GASK1A: variants seen among roughly 807,000 people sequenced by gnomAD.
GASK1A encodes the protein golgi associated kinase 1A.
In GASK1A, 40 loss-of-function variants were observed where a neutral mutation model predicts 41.2. The ratio of observed to expected loss-of-function variants is 0.97; its 90% CI spans 0.75 to 1.27. GASK1A has a LOEUF of 1.27. Among genes scored for constraint, GASK1A ranks in the 50% most tolerant of loss-of-function variants. The probability of loss-of-function intolerance (pLI) is 0.00; values close to 1 mark genes in which losing one functional copy is unlikely to be tolerated. For synonymous variants in GASK1A, 316 were observed against 307.1 expected (o/e 1.03, Z -0.30); for missense variants, 678 against 745.1 (o/e 0.91, Z 1.05).
At chr3:43,012,037 T>A (rs1262284289) in intron 1 of GASK1A, among the ~76,000 whole-genome samples, 1 of 147,920 alleles carries the variant, frequency 6.8e-6, no homozygotes, top group East Asian at 2.1e-4. Context: ...GAAGGGGCAA[T>A]GTGAGGCCAA....
intron 2 of GASK1A, among the ~76,000 whole-genome samples, chr3:43,038,956 G>T (rs1196454031): frequency 6.6e-6 from 1 of 151,706 alleles, no homozygotes; most frequent in African/African-American, 2.4e-5. Flanking sequence ...TGGTGTATCT[G>T]AAGGCTATTG....
At chr3:42,999,213 T>G (rs552247863) in intron 1 of GASK1A, among the ~76,000 whole-genome samples, 1 of 152,286 alleles carries the variant, frequency 6.6e-6, no homozygotes, top group Non-Finnish European at 1.5e-5. Context: ...TTGGTTGAGG[T>G]TGGTGGGAAT....
intron 2 of GASK1A, among the ~76,000 whole-genome samples, chr3:43,036,231 T>C (rs73076383): frequency 6.6e-6 from 1 of 152,322 alleles, no homozygotes; most frequent in Non-Finnish European, 1.5e-5. Flanking sequence ...TCATGCCACC[T>C]CTTCCCTGGT....
At position 43,010,282 on chromosome 3, in the gene GASK1A, C is replaced by T. The variant is rs145660230; in HGVS notation, c.4-21985C>T. ...GGGAGTCTGAAAAGGTGAACTCGTA[C>T]TCAGATATTACCCAGCCAGAGCCTT... is the stretch of plus-strand genomic sequence containing the variant. On this transcript the variant is annotated intron_variant, in intron 1 of 4. Coordinates refer to ENST00000430121, the MANE Select transcript of GASK1A (RefSeq NM_001129908.3). 4.4e-3 allele frequency among the ~76,000 whole-genome samples: 676 copies of T among 152,276 alleles called. 3 individuals carry two copies. The highest frequency in any genetic ancestry group is 6.7e-3 in the Non-Finnish European group (457 of 68,026).
At chr3:43,056,133 T>G in intron 4 of GASK1A, 43 bp from the exon 5 acceptor site, 1 of 1,443,492 alleles carries the variant, frequency 6.9e-7, no homozygotes, top group Non-Finnish European at 9.4e-7. Flanking sequence ...AGATTACTGT[T>G]GCTTTTTCTT....
chr3:42,986,205 T>C (rs2089308633), intron 1 of GASK1A, among the ~76,000 whole-genome samples: 1 of 152,198 alleles, frequency 6.6e-6, no homozygotes, highest in Non-Finnish European at 1.5e-5. Flanking sequence ...TTATGCTGAC[T>C]GGGAGAAACC....
intron 2 of GASK1A, among the ~76,000 whole-genome samples, chr3:43,040,920 T>C (rs949420566): frequency 2.7e-5 from 4 of 147,520 alleles, no homozygotes; most frequent in Non-Finnish European, 6.0e-5. Flanking sequence ...TTCCCCTTCC[T>C]GTGTCCTTGT....
intron 1 of GASK1A, among the ~76,000 whole-genome samples, chr3:43,010,331 A>C (rs1055069910): frequency 6.6e-6 from 1 of 152,214 alleles, no homozygotes; most frequent in Admixed American, 6.5e-5. Context: ...CATACTCTTC[A>C]GTAGAACCCT....
chr3:43,055,873 C>T, intron 4 of GASK1A: 1 of 471,888 alleles, frequency 2.1e-6, no homozygotes, highest in South Asian at 2.5e-5. Context: ...CTCTGCCTTC[C>T]CAGGATTCTT....
chr3:43,050,439 G>C (rs1236442829), intron 2 of GASK1A, among the ~76,000 whole-genome samples: 2 of 152,036 alleles, frequency 1.3e-5, no homozygotes, highest in Non-Finnish European at 2.9e-5. Context: ...AGTGACTTCT[G>C]TCTTGCTGCT....
intron 1 of GASK1A, among the ~76,000 whole-genome samples, chr3:43,003,153 C>T (rs2089418594): frequency 6.6e-6 from 1 of 152,112 alleles, no homozygotes; most frequent in Admixed American, 6.5e-5. Context: ...ATGTCTAGTA[C>T]ATTGTGAATA....
intron 2 of GASK1A, among the ~76,000 whole-genome samples, chr3:43,034,960 C>G (rs556116502): frequency 1.3e-5 from 2 of 152,294 alleles, no homozygotes; most frequent in African/African-American, 2.4e-5. Context: ...AAGTCTGTTT[C>G]CAGTCACGGG....
Position 42,986,050 on chromosome 3 carries a change from C to A in GASK1A, c.3+6405C>A, listed in dbSNP as rs55788355. 9.4e-3 allele frequency among the ~76,000 whole-genome samples: 1,427 copies of A among 152,284 alleles called. 21 individuals carry two copies. The highest frequency in any genetic ancestry group is 0.031 in the African/African-American group (1,304 of 41,542). On this transcript the variant is annotated intron_variant, in intron 1 of 4. Coordinates refer to ENST00000430121, the MANE Select transcript of GASK1A (RefSeq NM_001129908.3). ...GATGCAAATGTTTATAACAGCTTTA[C>A]GTATAATTGCCCCAAACTGGAAACA... is the stretch of plus-strand genomic sequence containing the variant.
rs2089715881 is a variant in GASK1A, at chr3:43,056,300, C to T, written c.1642C>T (p.Leu548Phe). ...QGGAQGLKQV[L>F]QTLEQRGQVL... Reference sequence around the variant, plus strand: ...CGGAGCCCAGGGGCTGAAGCAGGTCCTCCAGACCCTGGAGCAGCGAGGACA... The same window carrying T: ...CGGAGCCCAGGGGCTGAAGCAGGTCTTCCAGACCCTGGAGCAGCGAGGACA... The change falls in exon 5 of 5, where the codon CTC (leucine) becomes TTC (phenylalanine). Residue 548 changes from leucine to phenylalanine, a missense_variant. By Grantham distance (22) the Leu-to-Phe change is conservative. Transcript: ENST00000430121. The T allele has an allele frequency of 5.8e-6, 9 of 1,551,592 alleles. No homozygotes were observed. The highest frequency in any genetic ancestry group is 1.4e-5 in the African/African-American group (1 of 73,064).
In GASK1A at chr3:42,979,463, A is replaced by G; in HGVS notation, c.-180A>G. 1.9e-6 allele frequency: 1 copy of G among 534,874 alleles called. No homozygotes were observed. Among genetic ancestry groups the G allele is most frequent in the East Asian group, 3.5e-5 (1 of 28,606 alleles). 33.1% of individuals were successfully genotyped at this position (534,874 alleles called of 1,614,324 possible). A position where few individuals can be genotyped will look rare whatever the true frequency, so the allele number is the denominator to read the frequency against. The stretch of plus-strand genomic sequence containing the variant: ...GCAGCGATCTCCCGAGAGTTGGCGC[A>G]GGGCCACTTGGCTGCAGAGAACGTG... On this transcript the variant is annotated 5_prime_UTR_variant, in exon 1 of 5. Transcript: ENST00000430121.
chr3:43,056,374 C>T lies in GASK1A; in HGVS notation c.1716C>T (p.Asp572=), dbSNP rs376853680. ...IQKHNLTLFR[D]EDP is the part of the protein sequence containing the mutation. ...AGCACAACCTCACACTCTTCAGGGACGAGGACCCATAAGCCGCACACAGCC... is the reference window on the plus strand; with the variant it reads ...AGCACAACCTCACACTCTTCAGGGATGAGGACCCATAAGCCGCACACAGCC... Residue 572 remains aspartate, a synonymous_variant, in exon 5 of 5, where the codon GAC becomes GAT. Coordinates refer to ENST00000430121, the MANE Select transcript of GASK1A (RefSeq NM_001129908.3). 25 of 1,545,690 alleles carry T rather than the reference C, an allele frequency of 1.6e-5. No homozygotes were observed. The highest frequency in any genetic ancestry group is 1.2e-4 in the East Asian group (5 of 40,826).
rs976419683 is a variant in GASK1A, at chr3:43,037,110, G to T, written c.1290+3557G>T. On this transcript the variant is annotated intron_variant, in intron 2 of 4. Transcript: ENST00000430121. ...ACCCTGCGATTGCACAACACTAAAA[G>T]TCAGTACCTCAAACCAGGCAGCGAT... 4 of 754,846 alleles carry T rather than the reference G, an allele frequency of 5.3e-6. No individual in the cohort carries two copies. The South Asian group carries it at 5.5e-5, about 10-fold the overall frequency. The allele number at this position is 754,846 out of a possible 1,614,324, so 46.8% of individuals were successfully genotyped here.
intron 1 of GASK1A, among the ~76,000 whole-genome samples, chr3:42,992,461 G>A (rs1022244267): frequency 6.6e-6 from 1 of 152,180 alleles, no homozygotes; most frequent in Admixed American, 6.5e-5. Flanking sequence ...AGTTAATGGG[G>A]GCTGTGATTA....
intron 1 of GASK1A, among the ~76,000 whole-genome samples, chr3:43,006,176 C>G (rs999964460): frequency 6.6e-6 from 1 of 152,164 alleles, no homozygotes; most frequent in African/African-American, 2.4e-5. Flanking sequence ...CTGCCCAGAG[C>G]CTTTTGACCT....
Sources: gnomAD v4.1 joint callset for allele counts (sites outside exome capture counted in the v4.1 genomes callset) on GRCh38, gnomAD v4.1.1 for gene constraint, MANE v1.5 for transcripts, NCBI Gene and HGNC (gene_info 2026-07-23, HGNC 2026-07-21) for gene names.